Variants in SH3GL2 observed in about 807,000 individuals in gnomAD.
The protein encoded by SH3GL2 is SH3 domain containing GRB2 like 2, endophilin A1.
In SH3GL2, 24 loss-of-function variants were observed where a neutral mutation model predicts 46.0. The ratio of observed to expected loss-of-function variants is 0.52; its 90% confidence interval spans 0.38 to 0.73. The LOEUF (loss-of-function observed/expected upper bound fraction) is 0.73. Ranked by LOEUF, SH3GL2 falls within the 30% of genes least tolerant of loss-of-function variation. The probability of loss-of-function intolerance (pLI) is 0.00; values close to 1 mark genes in which losing one functional copy is unlikely to be tolerated. For synonymous variants in SH3GL2, 196 were observed against 147.1 expected (o/e 1.33, Z -2.40); for missense variants, 413 against 424.2 (o/e 0.97, Z 0.23).
At chr9:17,592,582 T>G (rs1417421864) in intron 1 of SH3GL2, among the ~76,000 whole-genome samples, 1 of 152,188 alleles carries the variant, frequency 6.6e-6, no homozygotes, top group Non-Finnish European at 1.5e-5. Flanking sequence ...GATTAACAGA[T>G]AAGTAGTAGA....
At chr9:17,635,378 C>G (rs1588192524) in intron 1 of SH3GL2, among the ~76,000 whole-genome samples, 1 of 152,242 alleles carries the variant, frequency 6.6e-6, no homozygotes. Flanking sequence ...TTTATCCAGT[C>G]TATCATTGAT....
intron 1 of SH3GL2, among the ~76,000 whole-genome samples, chr9:17,729,252 G>A (rs533078047): frequency 3.9e-5 from 6 of 152,150 alleles, no homozygotes; most frequent in Admixed American, 6.5e-5. Context: ...TTTGTTGGCC[G>A]CATAAATGTC....
intron 1 of SH3GL2, among the ~76,000 whole-genome samples, chr9:17,636,077 A>G (rs1235030616): frequency 6.6e-6 from 1 of 152,194 alleles, no homozygotes; most frequent in African/African-American, 2.4e-5. Flanking sequence ...GCTTTTTAAT[A>G]TAACTGGAGT....
intron 1 of SH3GL2, chr9:17,589,447 C>T (rs887485204): frequency 6.6e-6 from 1 of 151,986 alleles, no homozygotes; most frequent in Admixed American, 6.6e-5. Flanking sequence ...GGCTCCTGAT[C>T]AGTTTTTTTT....
intron 1 of SH3GL2, among the ~76,000 whole-genome samples, chr9:17,579,997 T>A (rs1280919482): frequency 1.3e-5 from 2 of 152,240 alleles, no homozygotes; most frequent in Admixed American, 1.3e-4. Context: ...AAATTGTTTT[T>A]AATAAATCTT....
intron 1 of SH3GL2, among the ~76,000 whole-genome samples, chr9:17,713,774 A>T (rs532025867): frequency 6.6e-5 from 10 of 151,786 alleles, no homozygotes; most frequent in African/African-American, 2.4e-4. Flanking sequence ...TTTTAAATGT[A>T]TTGAGAATTA....
chr9:17,708,941 G>C (rs796325027), intron 1 of SH3GL2, among the ~76,000 whole-genome samples: 5 of 152,098 alleles, frequency 3.3e-5, no homozygotes, highest in African/African-American at 1.2e-4. Flanking sequence ...CAGCATCAAT[G>C]TTATTACCTT....
intron 1 of SH3GL2, among the ~76,000 whole-genome samples, chr9:17,665,179 C>T (rs1195143328): frequency 1.3e-5 from 2 of 152,080 alleles, no homozygotes; most frequent in East Asian, 3.9e-4. Flanking sequence ...ACGCATACCT[C>T]CTAAGAATAA....
At chr9:17,758,686 G>C (rs894583837) in intron 2 of SH3GL2, among the ~76,000 whole-genome samples, 8 of 148,038 alleles carry the variant, frequency 5.4e-5, no homozygotes, top group African/African-American at 2.0e-4. Context: ...AAATGTAACT[G>C]TATTGAATAA....
At chr9:17,684,622 A>T (rs150231105) in intron 1 of SH3GL2, among the ~76,000 whole-genome samples, 1 of 152,266 alleles carries the variant, frequency 6.6e-6, no homozygotes, top group East Asian at 1.9e-4. Flanking sequence ...CAATAAGCTC[A>T]CTAAGCAGAA....
At chr9:17,759,711 T>G (rs1463747258) in intron 2 of SH3GL2, among the ~76,000 whole-genome samples, 1 of 152,124 alleles carries the variant, frequency 6.6e-6, no homozygotes, top group South Asian at 2.1e-4. Flanking sequence ...TAGAAATTGG[T>G]CAGCCCCTTA....
chr9:17,589,195 T>A (rs191117814), intron 1 of SH3GL2: 1 of 152,336 alleles, frequency 6.6e-6, no homozygotes, highest in Non-Finnish European at 1.5e-5. Flanking sequence ...ATGTGCCTTT[T>A]GAAACTGTCG....
At chr9:17,793,884 C>G (rs983193728) in intron 8 of SH3GL2, among the ~76,000 whole-genome samples, 1 of 152,230 alleles carries the variant, frequency 6.6e-6, no homozygotes, top group African/African-American at 2.4e-5. Flanking sequence ...ACAGTGAATG[C>G]CCCTGGACAG....
At chr9:17,786,265 A>T in intron 3 of SH3GL2, 116 bp from the exon 4 acceptor site, 1 of 889,424 alleles carries the variant, frequency 1.1e-6, no homozygotes, top group South Asian at 1.7e-5. Flanking sequence ...CTGAAGGTAC[A>T]CTTATCAGTA....
chr9:17,601,558 T>G (rs912816780), intron 1 of SH3GL2, among the ~76,000 whole-genome samples: 4 of 152,208 alleles, frequency 2.6e-5, no homozygotes, highest in African/African-American at 7.2e-5. Context: ...GTAAAATATC[T>G]TTTTAGTCAT....
intron 3 of SH3GL2, among the ~76,000 whole-genome samples, chr9:17,765,851 C>G (rs1823303253): frequency 6.6e-6 from 1 of 152,180 alleles, no homozygotes; most frequent in Non-Finnish European, 1.5e-5. Context: ...TCCCCAGCCC[C>G]CAGCTCAGTT....
intron 1 of SH3GL2, among the ~76,000 whole-genome samples, chr9:17,583,398 C>G (rs1040771936): frequency 2.6e-5 from 4 of 152,132 alleles, no homozygotes; most frequent in African/African-American, 9.7e-5. Flanking sequence ...GATTAGTGCT[C>G]TCTTAAAAGA....
chr9:17,680,010 G>A (rs1459247563), intron 1 of SH3GL2, among the ~76,000 whole-genome samples: 1 of 152,120 alleles, frequency 6.6e-6, no homozygotes, highest in African/African-American at 2.4e-5. Context: ...GCTTTTTGAT[G>A]TGCTGCTGGA....
At chr9:17,623,426 A>G (rs1339317980) in intron 1 of SH3GL2, among the ~76,000 whole-genome samples, 1 of 152,132 alleles carries the variant, frequency 6.6e-6, no homozygotes, top group Non-Finnish European at 1.5e-5. Flanking sequence ...GACTGAGAAC[A>G]AAATGACCTA....
Sources: allele counts gnomAD v4.1 joint callset (sites outside exome capture counted in the v4.1 genomes callset), GRCh38; gene constraint gnomAD v4.1.1; transcripts MANE v1.5; gene names NCBI Gene and HGNC (gene_info 2026-07-23, HGNC 2026-07-21).